LAT2: variants seen among roughly 807,000 people sequenced by gnomAD.
LAT2 encodes linker for activation of T cells family member 2.
Under a neutral mutation model 43.4 loss-of-function variants are expected in LAT2, and 23 were observed. The ratio of observed to expected loss-of-function variants is 0.53; its 90% CI spans 0.38 to 0.75. The LOEUF (loss-of-function observed/expected upper bound fraction) is 0.75. Ranked by LOEUF, LAT2 falls within the 30% of genes least tolerant of loss-of-function variation. The pLI is 0.00. For missense variants in LAT2, 284 were observed against 310.2 expected, an observed-to-expected ratio of 0.92 and a Z score of 0.64; for synonymous variants, 128 against 123.2, an observed-to-expected ratio of 1.04 and a Z score of -0.26.
At chr7:74,213,421 A>ATTTTT (rs1174359277) in intron 1 of LAT2, among the ~76,000 whole-genome samples, 1 of 103,330 alleles carries the variant, frequency 9.7e-6, no homozygotes, top group Non-Finnish European at 1.9e-5. Context: ...GTGCCCGGCC[A>ATTTTT]TTTTTTTTTT....
intron 1 of LAT2, among the ~76,000 whole-genome samples, chr7:74,212,631 T>C (rs571540239): frequency 2.6e-5 from 4 of 152,088 alleles, no homozygotes; most frequent in Non-Finnish European, 5.9e-5. Flanking sequence ...AGAGGCTAGA[T>C]TTGGTCCCAT....
Position 74,216,884 on chromosome 7 carries a change from C to G in LAT2, c.134+20C>G. The G allele has an allele frequency of 6.2e-7, 1 of 1,610,394 alleles. No homozygotes were observed. Among genetic ancestry groups the G allele is most frequent in the Non-Finnish European group, 8.5e-7 (1 of 1,176,770 alleles). ...AAGTCTGTGAGTTGCCTCGATGTCC[C>G]TAGCCTGGTGTATTCATGTGCCCTG... On this transcript the variant is annotated intron_variant, in intron 4 of 13. Transcript: ENST00000460943.
At chr7:74,217,816 G>A (rs949004114) in intron 4 of LAT2, among the ~76,000 whole-genome samples, 3 of 152,168 alleles carry the variant, frequency 2.0e-5, no homozygotes, top group Non-Finnish European at 2.9e-5. Flanking sequence ...GTGCACCCCC[G>A]AGCAGTCACT....
At chr7:74,221,595 A>G (rs1248229327) in intron 9 of LAT2, 42 bp from the exon 10 acceptor site, 1 of 1,576,258 alleles carries the variant, frequency 6.3e-7, no homozygotes. Flanking sequence ...CCCGATCTCC[A>G]GCCTGCCCTG....
rs534227889 is a variant in LAT2 at position 74,223,481 on chromosome 7, C to A, written c.389-243C>A. On this transcript the variant is annotated intron_variant, in intron 10 of 13. Transcript: ENST00000460943. ...TCCAGCCTGGGTGACAGAGCAAGAC[C>A]GTCTCAACAAGAAACAAAGAAGACA... Among the ~76,000 whole-genome samples, 30 of 152,126 alleles carry A rather than the reference C, an allele frequency of 2.0e-4. 1 individual carries two copies. In the South Asian group the frequency reaches 6.2e-3, roughly 32 times the overall value.
At position 74,224,196 on chromosome 7, in the gene LAT2, G is replaced by C. The variant is rs782721255; in HGVS notation, c.627G>C (p.Met209Ile). The stretch of plus-strand genomic sequence containing the variant: ...AGTGGCGCGAGTCCAGGAAGGTCAT[G>C]GGTAGGTGGCCGGGAGAAGAGGCAG... ...IHQWRESRKV[M>I]GQLQREASPG... is the part of the protein sequence containing the mutation. The change falls in exon 12 of 14, where the codon ATG (methionine) becomes ATC (isoleucine). Residue 209 changes from methionine (M) to isoleucine (I), a missense_variant and splice_region_variant. Coordinates refer to ENST00000460943, the MANE Select transcript of LAT2 (RefSeq NM_032464.3). The C allele has an allele frequency of 6.2e-7, 1 of 1,612,892 alleles. No individual in the cohort carries two copies. The highest frequency in any genetic ancestry group is 8.5e-7 in the Non-Finnish European group (1 of 1,179,986).
chr7:74,214,775 AAATATATATATATATATTTTT>A (rs1801969291), intron 1 of LAT2, 26 bp from the exon 2 acceptor site: 2 of 16,240 alleles, frequency 1.2e-4, no homozygotes, highest in African/African-American at 4.2e-4. Context: ...ATATATATAT[AAATATATATATATATATTTTT>A]TTTTTTTTTT....
intron 11 of LAT2, 77 bp downstream of exon 11, chr7:74,223,860 C>A: frequency 6.6e-7 from 1 of 1,522,912 alleles, no homozygotes; most frequent in African/African-American, 1.4e-5. Context: ...GCACTCCCCA[C>A]TGCTCAAAGG....
rs530083531 is a variant in LAT2, at chr7:74,220,633, T to C, written c.301+14T>C. On this transcript the variant is annotated intron_variant, in intron 8 of 13. Coordinates refer to ENST00000460943, the MANE Select transcript of LAT2 (RefSeq NM_032464.3). This position sits in a 1 kb window ranked among gnomAD's most constrained non-coding sequence, Gnocchi z 4.5. ...ACTTCAGCAAAGGTAGGTAGGCTCC[T>C]GGAGAAAGGGGGAGGCCATGGTGGG... 6.2e-7 allele frequency: 1 copy of C among 1,613,968 alleles called. No individual in the cohort carries two copies. Among genetic ancestry groups the C allele is most frequent in the East Asian group, 2.2e-5 (1 of 44,890 alleles).
At chr7:74,218,373 G>C (rs1170203264) in intron 4 of LAT2, among the ~76,000 whole-genome samples, 1 of 152,170 alleles carries the variant, frequency 6.6e-6, no homozygotes, top group Admixed American at 6.5e-5. Flanking sequence ...GCTGGGCCAG[G>C]TACCCATTCT....
In LAT2 at chr7:74,223,580, A is replaced by C. The variant is rs144372275; in HGVS notation, c.389-144A>C. On this transcript the variant is annotated intron_variant, in intron 10 of 13. Coordinates refer to ENST00000460943, the MANE Select transcript of LAT2 (RefSeq NM_032464.3). ...CCCATTAGGAAGCTCATCCAGAAGA[A>C]GGCTTGAGGTCCCGGGGGACCCAGA... 1.1e-3 allele frequency: 768 copies of C among 714,512 alleles called. 7 individuals are homozygous for C. The East Asian group carries it at 0.018, about 16-fold the overall frequency. The allele number at this position is 714,512 out of a possible 1,614,324, so 44.3% of individuals were successfully genotyped here. A position where few individuals can be genotyped will look rare whatever the true frequency, so the allele number is the denominator to read the frequency against.
chr7:74,218,541 T>C (rs1802128584), intron 4 of LAT2, among the ~76,000 whole-genome samples: 1 of 152,160 alleles, frequency 6.6e-6, no homozygotes, highest in Admixed American at 6.6e-5. Context: ...GAAGAAAGAA[T>C]GAACAAGGAT....
chr7:74,229,348 T>C lies in LAT2; in HGVS notation c.*423T>C, dbSNP rs1802607187. ...TGTTGGTTGCTGGGGTTTTAAATGATTGATAAGCTTGTACAGTTAACTTAT... is the reference window on the plus strand; with the variant it reads ...TGTTGGTTGCTGGGGTTTTAAATGACTGATAAGCTTGTACAGTTAACTTAT... On this transcript the variant is annotated 3_prime_UTR_variant, in exon 14 of 14. Transcript: ENST00000460943. 6.5e-6 allele frequency: 1 copy of C among 152,794 alleles called. No homozygotes were observed. The highest frequency in any genetic ancestry group is 2.4e-5 in the African/African-American group (1 of 41,586). The allele number at this position is 152,794 out of a possible 1,614,324, so 9.5% of individuals were successfully genotyped here. A position where few individuals can be genotyped will look rare whatever the true frequency, so the allele number is the denominator to read the frequency against.
At chr7:74,219,131 G>T (rs1405409671) in intron 4 of LAT2, among the ~76,000 whole-genome samples, 1 of 144,172 alleles carries the variant, frequency 6.9e-6, no homozygotes, top group Admixed American at 7.3e-5. Context: ...CCGCTTCCCG[G>T]GTTCACGCCA....
At chr7:74,214,217 TATATATATGAAA>T (rs1335122771) in intron 1 of LAT2, among the ~76,000 whole-genome samples, 53 of 100,188 alleles carry the variant, frequency 5.3e-4, no homozygotes, top group East Asian at 5.2e-3. Context: ...TATATGAAAA[TATATATATGAAA>T]ATATATATGA....
chr7:74,214,045 T>TATAA (rs1554713581), intron 1 of LAT2, among the ~76,000 whole-genome samples: 14 of 132,438 alleles, frequency 1.1e-4, no homozygotes, highest in African/African-American at 4.2e-4. Context: ...TATATGTATA[T>TATAA]ATATATATAT....
chr7:74,223,908 C>G, intron 11 of LAT2, 110 bp from the exon 12 acceptor site: 2 of 1,478,530 alleles, frequency 1.4e-6, no homozygotes, highest in Non-Finnish European at 1.9e-6. Flanking sequence ...CTCGGATCCC[C>G]AGGTACCTTT....
chr7:74,222,500 T>C (rs1195459109), intron 10 of LAT2, among the ~76,000 whole-genome samples: 2 of 151,878 alleles, frequency 1.3e-5, no homozygotes, highest in African/African-American at 4.8e-5. Flanking sequence ...TCCAGCTCCA[T>C]GACCTGGCTC....
At chr7:74,222,575 C>T (rs1802329727) in intron 10 of LAT2, among the ~76,000 whole-genome samples, 1 of 150,946 alleles carries the variant, frequency 6.6e-6, no homozygotes, top group Non-Finnish European at 1.5e-5. Flanking sequence ...CCACCACTGC[C>T]ACCTCCATTT....
Sources: gnomAD v4.1 joint callset for allele counts (sites outside exome capture counted in the v4.1 genomes callset) on GRCh38, gnomAD v4.1.1 for gene constraint, Gnocchi (gnomAD v3.1) non-coding constraint, MANE v1.5 for transcripts, NCBI Gene and HGNC (gene_info 2026-07-23, HGNC 2026-07-21) for gene names.